The following COL6A2 variants were observed in gnomAD, a reference collection of about 807,000 sequenced individuals.
COL6A2 encodes the protein collagen alpha-2(VI) chain.
In COL6A2, 90 loss-of-function variants were observed where a neutral mutation model predicts 124.9. The observed-to-expected ratio is 0.72, with a 90% CI of 0.61 to 0.86. COL6A2 has a LOEUF of 0.86. COL6A2 is among the 40% of genes least tolerant of loss of function. COL6A2 has a pLI of 0.00. For missense variants in COL6A2, 1,607 were observed against 1,502.5 expected, an observed-to-expected ratio of 1.07 and a Z score of -1.15; for synonymous variants, 793 against 618.2, an observed-to-expected ratio of 1.28 and a Z score of -4.19.
chr21:46,112,042 A>G lies in COL6A2; in HGVS notation c.179A>G (p.Gln60Arg), dbSNP rs147892526. 5.6e-6 allele frequency: 9 copies of G among 1,612,904 alleles called. No homozygotes were observed. In the African/African-American group the frequency reaches 1.2e-4, roughly 22 times the overall value. ...VLDTSESVTM[Q>R]SPTDILLFHM... ...GACACCTCGGAGAGCGTCACCATGC[A>G]GTCCCCCACGGACATCCTGCTCTTC... The change falls in exon 3 of 28, where the codon CAG (glutamine) becomes CGG (arginine). Residue 60 changes from glutamine (Q) to arginine (R), a missense_variant. Coordinates refer to ENST00000300527, the MANE Select transcript of COL6A2 (RefSeq NM_001849.4).
chr21:46,113,825 G>GT (rs2078436045), intron 4 of COL6A2, 183 bp from the exon 5 acceptor site: 2 of 672,746 alleles, frequency 3.0e-6, no homozygotes, highest in South Asian at 3.1e-5. Flanking sequence ...TGTCCCTGAT[G>GT]GGGGCAGAGC....
At chr21:46,129,815 G>A (rs1442153764) in intron 27 of COL6A2, 4 of 1,144,460 alleles carry the variant, frequency 3.5e-6, no homozygotes, top group Middle Eastern at 7.4e-4. Flanking sequence ...CGTCTGCAGA[G>A]TCCTTCTTTG....
At chr21:46,115,471 G>C (rs577500537) in intron 5 of COL6A2, among the ~76,000 whole-genome samples, 1 of 152,328 alleles carries the variant, frequency 6.6e-6, no homozygotes, top group African/African-American at 2.4e-5. Flanking sequence ...CTGAAGTCCT[G>C]ATCTGTCTAA....
intron 1 of COL6A2, among the ~76,000 whole-genome samples, chr21:46,108,070 T>TTCTTTCTC (rs1046367528): frequency 2.6e-5 from 4 of 151,752 alleles, no homozygotes; most frequent in South Asian, 2.1e-4. Context: ...TCCTTTCTCT[T>TTCTTTCTC]TCTTTCTCTC....
chr21:46,126,491 C>T lies in COL6A2; in HGVS notation c.2423-12C>T, dbSNP rs371411482. On this transcript the variant is annotated splice_polypyrimidine_tract_variant and intron_variant, in intron 26 of 27. Coordinates refer to ENST00000300527, the MANE Select transcript of COL6A2 (RefSeq NM_001849.4). Reference sequence around the variant, plus strand: ...GACCCTGGCCTGGCCCGGCCTCTCTCCTCTCTTCCAGACCCTCAGATCGTG... The same window carrying T: ...GACCCTGGCCTGGCCCGGCCTCTCTTCTCTCTTCCAGACCCTCAGATCGTG... The T allele has an allele frequency of 1.8e-5, 29 of 1,612,650 alleles. No individual in the cohort carries two copies. The highest frequency in any genetic ancestry group is 1.6e-4 in the Middle Eastern group (1 of 6,080).
chr21:46,132,573 A>C lies in COL6A2; in HGVS notation c.*21A>C, dbSNP rs768179561. The C allele has an allele frequency of 3.8e-6, 6 of 1,572,920 alleles. No homozygotes were observed. The highest frequency in any genetic ancestry group is 5.1e-6 in the Non-Finnish European group (6 of 1,165,260). ...GCTAGCGCCGCCGCCCGGGCCCCGC[A>C]GTCGAGGGTCGTGAGCCCACCCCGT... On this transcript the variant is annotated 3_prime_UTR_variant, in exon 28 of 28. Coordinates refer to ENST00000300527, the MANE Select transcript of COL6A2 (RefSeq NM_001849.4).
intron 27 of COL6A2, chr21:46,128,946 C>A: frequency 6.2e-7 from 1 of 1,611,374 alleles, no homozygotes; most frequent in African/African-American, 1.3e-5. Context: ...TCTCGGGGTC[C>A]GTGGTGTCCC....
At chr21:46,129,850 T>G in intron 27 of COL6A2, 2 of 1,061,414 alleles carry the variant, frequency 1.9e-6, no homozygotes, top group Non-Finnish European at 2.3e-6. Context: ...CCTCACAGGC[T>G]CCAGGGTTTG....
intron 15 of COL6A2, 147 bp from the exon 16 acceptor site, chr21:46,120,368 C>T (rs1269278433): frequency 3.0e-6 from 2 of 660,272 alleles, no homozygotes; most frequent in Non-Finnish European, 2.6e-6. Flanking sequence ...ATGGGTGAAA[C>T]AGGCGACTGT....
At chr21:46,121,449 G>A in intron 17 of COL6A2, 107 bp from the exon 18 acceptor site, 1 of 1,070,492 alleles carries the variant, frequency 9.3e-7, no homozygotes, top group Non-Finnish European at 1.4e-6. Flanking sequence ...AGGAGGAGCT[G>A]CGGCCATGTG....
chr21:46,120,512 C>T lies in COL6A2; in HGVS notation c.1333-3C>T, dbSNP rs112040818. On this transcript the variant is annotated splice_polypyrimidine_tract_variant and splice_region_variant and intron_variant, in intron 15 of 27. Coordinates refer to ENST00000300527, the MANE Select transcript of COL6A2 (RefSeq NM_001849.4). ...CCGTGGGGCCTCCCTTCCCTTCCCA[C>T]AGGGGGACCCTGGCCCTGAGGGGCC... 6 of 1,509,880 alleles carry T rather than the reference C, an allele frequency of 4.0e-6. No individual in the cohort carries two copies. The highest frequency in any genetic ancestry group is 5.3e-6 in the Non-Finnish European group (6 of 1,131,590). The allele number at this position is 1,509,880 out of a possible 1,614,324, so 93.5% of individuals were successfully genotyped here. A position where few individuals can be genotyped will look rare whatever the true frequency, so the allele number is the denominator to read the frequency against.
In COL6A2 at chr21:46,119,840, A is replaced by C; in HGVS notation, c.1322A>C (p.Lys441Thr). The change falls in exon 15 of 28, where the codon AAG becomes ACG. Residue 441 changes from lysine to threonine, a missense_variant. By Grantham distance (78) the Lys-to-Thr change is moderately conservative. Transcript: ENST00000300527. Reference sequence around the variant, plus strand: ...GGCAGCCCAGGCAGCGATGGCCCCAAGGGGGAGAAGGTGAGTCCTCGTGTG... The same window carrying C: ...GGCAGCCCAGGCAGCGATGGCCCCACGGGGGAGAAGGTGAGTCCTCGTGTG... ...TKGSPGSDGP[K>T]GEKGDPGPEG... The C allele has an allele frequency of 1.3e-6, 2 of 1,559,498 alleles. No homozygotes were observed. Among genetic ancestry groups the C allele is most frequent in the Non-Finnish European group, 1.7e-6 (2 of 1,151,138 alleles).
At chr21:46,129,767 A>C (rs1041242801) in intron 27 of COL6A2, 14 of 1,318,562 alleles carry the variant, frequency 1.1e-5, no homozygotes, top group Non-Finnish European at 1.4e-5. Flanking sequence ...GGCCCACCCC[A>C]AGTCCAGAAT....
intron 17 of COL6A2, 121 bp downstream of exon 17, chr21:46,121,244 C>A: frequency 2.0e-6 from 2 of 994,586 alleles, no homozygotes; most frequent in Admixed American, 1.9e-5. Context: ...CAGAGCCTGG[C>A]CTCAGAAGCC....
chr21:46,118,053 T>C lies in COL6A2; in HGVS notation c.1116+117T>C. On this transcript the variant is annotated intron_variant, in intron 12 of 27. Coordinates refer to ENST00000300527, the MANE Select transcript of COL6A2 (RefSeq NM_001849.4). ...GGGCCTTTCTGGAAACACTGGTCAG[T>C]GAGGAGCCAATGGCCGTGGGATGTG... 3 of 977,178 alleles carry C rather than the reference T, an allele frequency of 3.1e-6. 1 individual carries two copies. The highest frequency in any genetic ancestry group is 3.3e-5 in the South Asian group (2 of 61,498). The allele number at this position is 977,178 out of a possible 1,614,324, so 60.5% of individuals were successfully genotyped here. A position where few individuals can be genotyped will look rare whatever the true frequency, so the allele number is the denominator to read the frequency against.
At chr21:46,101,157 T>C (rs953144371) in intron 1 of COL6A2, among the ~76,000 whole-genome samples, 3 of 152,208 alleles carry the variant, frequency 2.0e-5, no homozygotes, top group African/African-American at 7.2e-5. Flanking sequence ...TCCCTCATGA[T>C]TAGTGACGTT....
Position 46,132,233 on chromosome 21 carries a change from T to C in COL6A2, c.2741T>C (p.Phe914Ser), listed in dbSNP as rs1337272208. 8 of 1,599,724 alleles carry C rather than the reference T, an allele frequency of 5.0e-6. No individual in the cohort carries two copies. Among genetic ancestry groups the C allele is most frequent in the Non-Finnish European group, 6.8e-6 (8 of 1,174,662 alleles). Residue 914 changes from phenylalanine (F) to serine (S), a missense_variant, in exon 28 of 28, where the codon TTC (phenylalanine) becomes TCC (serine). Physicochemically the swap from Phe to Ser is radical, Grantham distance 155 (BLOSUM62 -2). Around this residue, in one of 3 missense-constraint regions of COL6A2, gnomAD observed 1,223 missense variants for 1,052.2 expected, o/e 1.16. Coordinates refer to ENST00000300527, the MANE Select transcript of COL6A2 (RefSeq NM_001849.4). ...GAGACCACACAATACCTGAACTCCTTCTCGCACGTGGGCGCAGGCGTGGTG... is the reference window on the plus strand; with the variant it reads ...GAGACCACACAATACCTGAACTCCTCCTCGCACGTGGGCGCAGGCGTGGTG... ...ALETTQYLNSFSHVGAGVVHA... is the reference protein window; with the variant it reads ...ALETTQYLNSSSHVGAGVVHA...
intron 27 of COL6A2, chr21:46,129,812 A>G: frequency 8.6e-7 from 1 of 1,161,716 alleles, no homozygotes; most frequent in Non-Finnish European, 1.1e-6. Flanking sequence ...TCCCGTCTGC[A>G]GAGTCCTTCT....
chr21:46,119,220 C>T, intron 14 of COL6A2, 101 bp downstream of exon 14: 1 of 919,812 alleles, frequency 1.1e-6, no homozygotes, highest in South Asian at 1.5e-5. Flanking sequence ...TAGGCAGGAT[C>T]CCCTGCTGGC....
Sources: allele counts gnomAD v4.1 joint callset (sites outside exome capture counted in the v4.1 genomes callset), GRCh38; gene constraint gnomAD v4.1.1; regional missense constraint gnomAD v4.1.1; transcripts MANE v1.5; gene names NCBI Gene and HGNC (gene_info 2026-07-23, HGNC 2026-07-21).